CACNA1A: variants seen among roughly 807,000 people sequenced by gnomAD.
CACNA1A encodes calcium voltage-gated channel subunit alpha1 A, also known as voltage-dependent P/Q-type calcium channel subunit alpha-1A.
In CACNA1A, 57 loss-of-function variants were observed where a neutral mutation model predicts 262.4. The observed-to-expected ratio is 0.22, with a 90% confidence interval of 0.18 to 0.27. CACNA1A has a LOEUF of 0.27. CACNA1A is among the 10% of genes least tolerant of loss of function. The pLI, the probability that CACNA1A is intolerant of heterozygous loss-of-function variation, is 1.00. For synonymous variants in CACNA1A, 1,431 were observed against 1,419.3 expected (o/e 1.01, Z -0.18); for missense variants, 2,526 against 3,562.8 (o/e 0.71, Z 7.41).
At chr19:13,456,339 T>C (rs536627040) in intron 1 of CACNA1A, among the ~76,000 whole-genome samples, 1 of 152,232 alleles carries the variant, frequency 6.6e-6, no homozygotes, top group South Asian at 2.1e-4. Flanking sequence ...GGAGAAGCTA[T>C]TTGCAAATCA....
chr19:13,359,968 CTATTGAT>C (rs758853578), intron 5 of CACNA1A, among the ~76,000 whole-genome samples, 169 bp from the exon 6 acceptor site: 6 of 150,298 alleles, frequency 4.0e-5, no homozygotes, highest in Admixed American at 6.6e-5. Flanking sequence ...TATTGGTTTT[CTATTGAT>C]TAATTTCTTC....
intron 1 of CACNA1A, among the ~76,000 whole-genome samples, chr19:13,464,615 C>G (rs940966173): frequency 1.4e-5 from 2 of 145,610 alleles, no homozygotes; most frequent in African/African-American, 5.2e-5. Context: ...GTGGTGCTAT[C>G]TCGGCTCACT....
chr19:13,251,161 G>A lies in CACNA1A; in HGVS notation c.4866+1830C>T, dbSNP rs900375355. 1.8e-4 allele frequency among the ~76,000 whole-genome samples: 27 copies of A among 149,416 alleles called. No individual in the cohort carries two copies. The Admixed American group carries it at 1.8e-3, about 10-fold the overall frequency. ...AAAAAAAAAAAGTTTTAAAAATGGC[G>A]ATCTAACAATGAATATACTTCTCCA... On this transcript the variant is annotated intron_variant, in intron 30 of 46. Transcript: ENST00000360228.
intron 1 of CACNA1A, 115 bp downstream of exon 1, chr19:13,505,817 C>T: frequency 5.5e-6 from 6 of 1,081,158 alleles, no homozygotes; most frequent in Non-Finnish European, 8.3e-6. Context: ...CCCTGGAAGA[C>T]CCCCCTCCTC....
At chr19:13,307,894 G>T in intron 14 of CACNA1A, 40 bp from the exon 15 acceptor site, 3 of 1,569,422 alleles carry the variant, frequency 1.9e-6, no homozygotes, top group South Asian at 1.1e-5. Flanking sequence ...GGCCCCACCC[G>T]GGGTGCTCTG....
intron 1 of CACNA1A, among the ~76,000 whole-genome samples, chr19:13,487,806 G>A (rs1233691495): frequency 6.6e-6 from 1 of 151,866 alleles, no homozygotes; most frequent in African/African-American, 2.4e-5. Flanking sequence ...CAGCATTTTG[G>A]GTTTCTTTCT....
At chr19:13,223,904 GC>G (rs2055334712) in intron 38 of CACNA1A, among the ~76,000 whole-genome samples, 1 of 152,016 alleles carries the variant, frequency 6.6e-6, no homozygotes, top group Admixed American at 6.6e-5. Context: ...GGTGGCTCAT[GC>G]CTGTAATACC....
At chr19:13,233,369 C>A (rs1162834467) in intron 34 of CACNA1A, among the ~76,000 whole-genome samples, 1 of 152,214 alleles carries the variant, frequency 6.6e-6, no homozygotes, top group Non-Finnish European at 1.5e-5. Flanking sequence ...ATACACACAG[C>A]ATGAAGTTTA....
At chr19:13,406,509 A>ATATATATATATATATATATATATATATG in intron 3 of CACNA1A, among the ~76,000 whole-genome samples, 1 of 109,656 alleles carries the variant, frequency 9.1e-6, no homozygotes, top group East Asian at 4.3e-4. Context: ...ATATATATAT[A>ATATATATATATATATATATATATATATG]TATGAAGGGA....
chr19:13,341,952 TTGAATG>T (rs1308494156), intron 6 of CACNA1A, among the ~76,000 whole-genome samples: 1 of 152,158 alleles, frequency 6.6e-6, no homozygotes, highest in Non-Finnish European at 1.5e-5. Context: ...GTGGTGTCTG[TTGAATG>T]ACTGATTGAG....
chr19:13,308,706 T>C lies in CACNA1A; in HGVS notation c.1669-178A>G. The C allele has an allele frequency of 1.9e-6, 1 of 529,592 alleles. No individual in the cohort carries two copies. Among genetic ancestry groups the C allele is most frequent in the South Asian group, 2.8e-5 (1 of 35,906 alleles). The allele number at this position is 529,592 out of a possible 1,614,324, so 32.8% of individuals were successfully genotyped here. On this transcript the variant is annotated intron_variant, in intron 12 of 46. Transcript: ENST00000360228. The surrounding 1 kb of genome is among the most constrained non-coding windows in gnomAD (Gnocchi z 4.2). The stretch of plus-strand genomic sequence containing the variant: ...TTCATTTATCTATAGAGACCGGGTC[T>C]CACTGTGTCACCCAGGCTGGAGTGC...
intron 3 of CACNA1A, among the ~76,000 whole-genome samples, chr19:13,435,093 C>A (rs1049908848): frequency 6.6e-6 from 1 of 150,474 alleles, no homozygotes; most frequent in African/African-American, 2.4e-5. Context: ...CCCAGCCAGG[C>A]ATTTTTTTTT....
intron 6 of CACNA1A, among the ~76,000 whole-genome samples, chr19:13,346,647 TATATATATATATATATATA>T (rs1360346287): frequency 0.045 from 280 of 6,260 alleles, 2 homozygotes; most frequent in South Asian, 0.11. Context: ...TATATATATA[TATATATATATATATATATA>T]TTTTTTTTTT....
Position 13,208,784 on chromosome 19 carries a change from T to C in CACNA1A, c.6752A>G (p.Glu2251Gly), listed in dbSNP as rs2054679712. Residue 2251 changes from glutamate to glycine, a missense_variant, in exon 46 of 47, where the codon GAG becomes GGG. Glu to Gly is a moderately conservative substitution (Grantham distance 98). Around this residue, in one of 17 missense-constraint regions of CACNA1A, gnomAD observed 929 missense variants for 868.1 expected, o/e 1.07. Transcript: ENST00000360228. ...RDQRWSRSPS[E>G]GREHMAHRQG... is the part of the protein sequence containing the mutation. ...CCGGTGCGCCATGTGCTCTCGGCCCTCGCTGGGCGAGCGGGACCAGCGCTG... is the reference window on the plus strand; with the variant it reads ...CCGGTGCGCCATGTGCTCTCGGCCCCCGCTGGGCGAGCGGGACCAGCGCTG... 1 of 1,542,032 alleles carries C rather than the reference T, an allele frequency of 6.5e-7. No individual in the cohort carries two copies. The highest frequency in any genetic ancestry group is 1.8e-5 in the Admixed American group (1 of 54,380).
At chr19:13,420,677 G>C (rs1449379054) in intron 3 of CACNA1A, among the ~76,000 whole-genome samples, 2 of 152,100 alleles carry the variant, frequency 1.3e-5, no homozygotes, top group Non-Finnish European at 1.5e-5. Context: ...CCAGAACTAA[G>C]AGAAAATAAA....
At chr19:13,300,767 A>C (rs1408867604) in intron 17 of CACNA1A, 111 bp from the exon 18 acceptor site, 1 of 846,250 alleles carries the variant, frequency 1.2e-6, no homozygotes, top group South Asian at 1.4e-5. Flanking sequence ...GACCAATCAG[A>C]ACCAAGGCTC....
intron 17 of CACNA1A, among the ~76,000 whole-genome samples, chr19:13,301,798 T>C (rs1390701640): frequency 6.6e-6 from 1 of 152,198 alleles, no homozygotes; most frequent in Non-Finnish European, 1.5e-5. Context: ...GGAGCAACCT[T>C]ACCACCTTGG....
intron 3 of CACNA1A, among the ~76,000 whole-genome samples, chr19:13,406,487 A>G (rs1190744541): frequency 1.0e-5 from 1 of 100,090 alleles, no homozygotes; most frequent in Non-Finnish European, 1.9e-5. Flanking sequence ...ATATATATAT[A>G]TATATATATA....
intron 32 of CACNA1A, 56 bp downstream of exon 32, chr19:13,235,558 G>T: frequency 1.7e-6 from 2 of 1,208,402 alleles, no homozygotes; most frequent in Non-Finnish European, 2.5e-6. Context: ...TTCAGCCAGA[G>T]CATGAGGGTC....
Sources: gnomAD v4.1 joint callset for allele counts (sites outside exome capture counted in the v4.1 genomes callset) on GRCh38, gnomAD v4.1.1 for gene constraint, gnomAD v4.1.1 regional missense constraint, Gnocchi (gnomAD v3.1) non-coding constraint, MANE v1.5 for transcripts, NCBI Gene and HGNC (gene_info 2026-07-23, HGNC 2026-07-21) for gene names.